PIEZO2: variants seen among roughly 807,000 people sequenced by gnomAD.
PIEZO2 encodes piezo-type mechanosensitive ion channel component 2.
In PIEZO2, 172 loss-of-function variants were observed where a neutral mutation model predicts 337.3. The ratio of observed to expected loss-of-function variants is 0.51; its 90% CI spans 0.45 to 0.58. The LOEUF (loss-of-function observed/expected upper bound fraction) is 0.58, where lower values mean the gene tolerates loss of function less well. Ranked by LOEUF, PIEZO2 falls within the 20% of genes least tolerant of loss-of-function variation. PIEZO2 has a pLI of 0.00. For missense variants in PIEZO2, 3,028 were observed against 3,391.3 expected (o/e 0.89, Z 2.66); for synonymous variants, 1,251 against 1,228.5 (o/e 1.02, Z -0.38).
intron 36 of PIEZO2, among the ~76,000 whole-genome samples, chr18:10,720,421 A>G (rs1439764963): frequency 0.043 from 68 of 1,566 alleles, no homozygotes; most frequent in East Asian, 0.087. Flanking sequence ...ATGTGTATGT[A>G]TATATATATA....
intron 3 of PIEZO2, among the ~76,000 whole-genome samples, chr18:10,938,124 A>G (rs537481454): frequency 3.3e-5 from 5 of 152,322 alleles, no homozygotes; most frequent in African/African-American, 1.2e-4. Flanking sequence ...CAAAATGGGA[A>G]GTAAGGCATT....
intron 4 of PIEZO2, among the ~76,000 whole-genome samples, chr18:10,905,948 G>C (rs1206001623): frequency 1.3e-5 from 2 of 152,174 alleles, no homozygotes; most frequent in African/African-American, 4.8e-5. Flanking sequence ...AAGAGGTCAT[G>C]CTCCTGGGAG....
chr18:10,803,358 G>A (rs763857390), intron 9 of PIEZO2, among the ~76,000 whole-genome samples: 5 of 152,124 alleles, frequency 3.3e-5, no homozygotes, highest in Admixed American at 6.5e-5. Flanking sequence ...CAGTAGATAT[G>A]AATTTTCAAA....
chr18:10,706,476 C>T (rs2035592559), intron 40 of PIEZO2, among the ~76,000 whole-genome samples: 2 of 152,186 alleles, frequency 1.3e-5, no homozygotes, highest in African/African-American at 4.8e-5. Flanking sequence ...TGGCCCTTCT[C>T]CCTTCCAGCT....
intron 5 of PIEZO2, among the ~76,000 whole-genome samples, chr18:10,858,337 A>AC (rs1300107618): frequency 0.03 from 2,516 of 84,338 alleles, 113 homozygotes; most frequent in African/African-American, 0.093. Context: ...AAAAAAAAAA[A>AC]AAAAAAAAAA....
intron 48 of PIEZO2, among the ~76,000 whole-genome samples, chr18:10,690,861 G>A (rs527983333): frequency 9.9e-5 from 15 of 152,254 alleles, no homozygotes; most frequent in Non-Finnish European, 1.6e-4. Context: ...GGATAATTTG[G>A]AATTCCCAAG....
At position 11,035,176 on chromosome 18, in the gene PIEZO2, T is replaced by G. The variant is rs183460052; in HGVS notation, c.160+30951A>C. On this transcript the variant is annotated intron_variant, in intron 2 of 55. Transcript: ENST00000674853. This position sits in a 1 kb window ranked among gnomAD's most constrained non-coding sequence, Gnocchi z 4.3. ...TGGATACTGTCCTCTCTCCAATTTC[T>G]TGTTGAAATGTGATCCCCAATATTG... is the stretch of plus-strand genomic sequence containing the variant. Among the ~76,000 whole-genome samples the G allele has an allele frequency of 6.6e-6, 1 of 152,198 alleles. No individual in the cohort carries two copies. The highest frequency in any genetic ancestry group is 2.4e-5 in the African/African-American group (1 of 41,448).
At chr18:10,745,699 A>C (rs370587477) in intron 30 of PIEZO2, among the ~76,000 whole-genome samples, 3 of 151,898 alleles carry the variant, frequency 2.0e-5, no homozygotes, top group African/African-American at 4.8e-5. Context: ...CTCAAACCTG[A>C]ATGTTCTCCA....
intron 4 of PIEZO2, among the ~76,000 whole-genome samples, chr18:10,883,353 A>G (rs995568834): frequency 3.3e-5 from 5 of 152,206 alleles, no homozygotes; most frequent in African/African-American, 9.6e-5. Flanking sequence ...ACTGTTCTCC[A>G]TAATGGCTGC....
In PIEZO2 at chr18:10,819,987, A is replaced by G. The variant is rs573682721; in HGVS notation, c.918-12713T>C. On this transcript the variant is annotated intron_variant, in intron 7 of 55. Transcript: ENST00000674853. This position sits in a 1 kb window ranked among gnomAD's most constrained non-coding sequence, Gnocchi z 4.3. ...TTTCCCTTTGAGAAGCAACTTTAAT[A>G]ATGTTATCCTATTGCTTTTTGAATG... 1.3e-5 allele frequency among the ~76,000 whole-genome samples: 2 copies of G among 152,288 alleles called. No individual in the cohort carries two copies. Among genetic ancestry groups the G allele is most frequent in the South Asian group, 4.1e-4 (2 of 4,828 alleles).
intron 2 of PIEZO2, among the ~76,000 whole-genome samples, chr18:11,059,750 C>A (rs541368206): frequency 6.6e-6 from 1 of 152,318 alleles, no homozygotes; most frequent in South Asian, 2.1e-4. Context: ...CACCCAGATT[C>A]ATAAAGCAAG....
intron 1 of PIEZO2, among the ~76,000 whole-genome samples, chr18:11,139,854 T>G (rs1194536409): frequency 6.6e-6 from 1 of 152,218 alleles, no homozygotes; most frequent in Non-Finnish European, 1.5e-5. Context: ...TCTAGAACTC[T>G]TCTGCTTATA....
intron 49 of PIEZO2, among the ~76,000 whole-genome samples, chr18:10,684,245 A>G (rs1203196899): frequency 1.6e-5 from 2 of 126,060 alleles, no homozygotes; most frequent in East Asian, 2.3e-4. Context: ...GGCTCACTGC[A>G]AGCTCCACCT....
At chr18:11,074,174 C>A (rs2038446083) in intron 1 of PIEZO2, among the ~76,000 whole-genome samples, 1 of 152,090 alleles carries the variant, frequency 6.6e-6, no homozygotes. Flanking sequence ...AAGTGTGATA[C>A]TGCCTTTGTT....
chr18:10,832,942 G>A (rs112852789), intron 7 of PIEZO2, among the ~76,000 whole-genome samples: 31 of 152,182 alleles, frequency 2.0e-4, no homozygotes, highest in Admixed American at 1.2e-3. Flanking sequence ...AGGAGCCCAC[G>A]TTTCCGCCTC....
chr18:10,923,371 G>A (rs993146552), intron 3 of PIEZO2, among the ~76,000 whole-genome samples: 1 of 152,180 alleles, frequency 6.6e-6, no homozygotes, highest in Admixed American at 6.5e-5. Flanking sequence ...TAGAAAGTGA[G>A]AATTGTTATA....
intron 4 of PIEZO2, among the ~76,000 whole-genome samples, chr18:10,900,048 AT>A (rs2144995935): frequency 6.6e-6 from 1 of 152,314 alleles, no homozygotes; most frequent in Non-Finnish European, 1.5e-5. Context: ...AAAAATAGAT[AT>A]TTTCACCAAA....
At position 10,789,330 on chromosome 18, in the gene PIEZO2, G is replaced by T; in HGVS notation, c.1918C>A (p.Pro640Thr). ...GCTTCCTCTTCTTCCTCCTCTTTGG[G>T]CTCTCCTTCCACTTGTATATCTTGA... is the stretch of plus-strand genomic sequence containing the variant. The part of the protein sequence containing the change: ...ELQDIQVEGE[P>T]KEEEEEEAKE... The change falls in exon 15 of 56, where the codon CCC becomes ACC. Residue 640 changes from proline to threonine, a missense_variant. Pro to Thr is a conservative substitution (Grantham distance 38). This residue lies in a region of PIEZO2 where 1,925 missense variants were observed against 2,051.9 expected (regional missense o/e 0.94). Coordinates refer to ENST00000674853, the MANE Select transcript of PIEZO2 (RefSeq NM_001378183.1). 1 of 1,536,686 alleles carries T rather than the reference G, an allele frequency of 6.5e-7. No homozygotes were observed.
intron 49 of PIEZO2, among the ~76,000 whole-genome samples, chr18:10,689,155 C>T (rs59222061): frequency 0.45 from 68,745 of 152,082 alleles, 16,519 homozygotes; most frequent in East Asian, 0.91. Context: ...TATTAAACTT[C>T]TGAGAAGTGC....
Sources: allele counts gnomAD v4.1 joint callset (sites outside exome capture counted in the v4.1 genomes callset), GRCh38; gene constraint gnomAD v4.1.1; regional missense constraint gnomAD v4.1.1; non-coding constraint Gnocchi (gnomAD v3.1); transcripts MANE v1.5; gene names NCBI Gene and HGNC (gene_info 2026-07-23, HGNC 2026-07-21).